PCDHA8: variants seen among roughly 807,000 people sequenced by gnomAD.
The protein encoded by PCDHA8 is protocadherin alpha 8.
A neutral mutation model predicts 61.8 loss-of-function variants in PCDHA8; 53 were observed. The ratio of observed to expected loss-of-function variants is 0.86; its 90% CI spans 0.69 to 1.08. The LOEUF (loss-of-function observed/expected upper bound fraction) is 1.08. PCDHA8 is among the 50% of genes least tolerant of loss of function. PCDHA8 has a pLI of 0.00. For synonymous variants in PCDHA8, 618 were observed against 556.6 expected (o/e 1.11, Z -1.55); for missense variants, 1,293 against 1,245.0 (o/e 1.04, Z -0.58).
At chr5:140,854,022 C>A in intron 1 of PCDHA8, 1 of 318,106 alleles carries the variant, frequency 3.1e-6, no homozygotes, top group Non-Finnish European at 4.7e-6. Context: ...ATTAGCCGGG[C>A]ATGGTGGCAC....
chr5:140,951,959 A>C (rs2094664205), intron 1 of PCDHA8, among the ~76,000 whole-genome samples: 1 of 152,202 alleles, frequency 6.6e-6, no homozygotes, highest in Admixed American at 6.5e-5. Context: ...GGCATTGGGT[A>C]AATACTCCTG....
rs114410083 is a variant in PCDHA8, at chr5:140,927,323, C to T, written c.2395-51626C>T. 1,487 of 1,614,220 alleles carry T rather than the reference C, an allele frequency of 9.2e-4. 8 individuals are homozygous for T. In the African/African-American group the frequency reaches 0.018, roughly 19 times the overall value. ...TTCCTGACGCCCGGAGCCCGCTTTA[C>T]TCTCCCGAATGCCCAAGATGACGAC... On this transcript the variant is annotated intron_variant, in intron 1 of 3. Coordinates refer to ENST00000531613, the MANE Select transcript of PCDHA8 (RefSeq NM_018911.3).
intron 1 of PCDHA8, among the ~76,000 whole-genome samples, chr5:140,975,124 C>T (rs560299893): frequency 6.6e-6 from 1 of 152,268 alleles, no homozygotes; most frequent in African/African-American, 2.4e-5. Flanking sequence ...TTCCTACTTA[C>T]TATTGGCCTG....
chr5:140,954,405 G>T (rs246023), intron 1 of PCDHA8, among the ~76,000 whole-genome samples: 85,299 of 151,648 alleles, frequency 0.56, 24,568 homozygotes, highest in African/African-American at 0.69. Context: ...CCACCAACAG[G>T]GTAAAGGTGT....
At chr5:140,988,556 C>G (rs574182013) in intron 3 of PCDHA8, among the ~76,000 whole-genome samples, 2 of 152,158 alleles carry the variant, frequency 1.3e-5, no homozygotes, top group Non-Finnish European at 2.9e-5. Flanking sequence ...TCTTCATCTT[C>G]TTCTTGGGAA....
chr5:140,860,067 T>C (rs2150484600), intron 1 of PCDHA8: 1 of 151,674 alleles, frequency 6.6e-6, no homozygotes, highest in African/African-American at 2.4e-5. Flanking sequence ...GGTGGGAGGA[T>C]GGTTTGAGGC....
intron 1 of PCDHA8, chr5:140,884,540 G>A (rs782638313): frequency 1.9e-6 from 3 of 1,613,998 alleles, no homozygotes; most frequent in South Asian, 2.2e-5. Flanking sequence ...GCGGCCGAGG[G>A]TGTGCTCTGG....
At position 140,982,360 on chromosome 5, in the gene PCDHA8, A is replaced by G. The variant is rs1016027722; in HGVS notation, c.2454-115A>G. 59 of 1,527,040 alleles carry G rather than the reference A, an allele frequency of 3.9e-5. No individual in the cohort carries two copies. In the Admixed American group the frequency reaches 8.5e-4, roughly 22 times the overall value. 94.6% of individuals were successfully genotyped at this position (1,527,040 alleles called of 1,614,324 possible). ...TAATTGCTTCAGTTCAAGCATGAGC[A>G]GAATGTGTTAGCTGCAGCCCTGGCT... On this transcript the variant is annotated intron_variant, in intron 2 of 3. Coordinates refer to ENST00000531613, the MANE Select transcript of PCDHA8 (RefSeq NM_018911.3).
chr5:140,865,572 A>T (rs2048923193), intron 1 of PCDHA8: 1 of 152,224 alleles, frequency 6.6e-6, no homozygotes, highest in African/African-American at 2.4e-5. Context: ...TCAGTAACTC[A>T]TGATAATAAA....
chr5:140,964,531 C>T (rs781961669), intron 1 of PCDHA8, among the ~76,000 whole-genome samples: 4 of 152,058 alleles, frequency 2.6e-5, no homozygotes, highest in Non-Finnish European at 5.9e-5. Context: ...CTCTGAGCTG[C>T]GTGCAGAGAT....
intron 1 of PCDHA8, chr5:140,929,505 C>A: frequency 1.2e-6 from 1 of 840,606 alleles, no homozygotes; most frequent in Non-Finnish European, 1.7e-6. Flanking sequence ...TGCCCTAGGC[C>A]TCAAGGGACT....
rs2045496791 is a variant in PCDHA8 at position 140,858,579 on chromosome 5, T to C, written c.2394+14864T>C. 3 of 1,349,862 alleles carry C rather than the reference T, an allele frequency of 2.2e-6. No individual in the cohort carries two copies. In the East Asian group the frequency reaches 7.4e-5, roughly 33 times the overall value. The allele number at this position is 1,349,862 out of a possible 1,614,324, so 83.6% of individuals were successfully genotyped here. On this transcript the variant is annotated intron_variant, in intron 1 of 3. Transcript: ENST00000531613. Reference sequence around the variant, plus strand: ...AATATTTCTAGTGATACCTTTGTAATATAATTTATTCCAGGAGTTTTAAAA... The same window carrying C: ...AATATTTCTAGTGATACCTTTGTAACATAATTTATTCCAGGAGTTTTAAAA...
intron 1 of PCDHA8, among the ~76,000 whole-genome samples, chr5:140,899,726 T>A (rs1406076879): frequency 6.6e-6 from 1 of 152,236 alleles, no homozygotes; most frequent in East Asian, 1.9e-4. Flanking sequence ...CCTCTTTTTC[T>A]ATTGATTGGA....
chr5:140,900,586 AC>A (rs1554189274), intron 1 of PCDHA8, among the ~76,000 whole-genome samples: 1 of 151,926 alleles, frequency 6.6e-6, no homozygotes, highest in African/African-American at 2.4e-5. Flanking sequence ...CATTTTCTTT[AC>A]CCGTTCATCT....
intron 1 of PCDHA8, among the ~76,000 whole-genome samples, chr5:140,965,664 ATAAATG>A (rs1251201552): frequency 1.3e-5 from 2 of 152,254 alleles, no homozygotes; most frequent in Non-Finnish European, 2.9e-5. Flanking sequence ...GTCTTGGGTG[ATAAATG>A]TAAAAGATTT....
At chr5:140,895,730 A>G (rs781978402) in intron 1 of PCDHA8, among the ~76,000 whole-genome samples, 4 of 152,280 alleles carry the variant, frequency 2.6e-5, no homozygotes, top group Middle Eastern at 3.4e-3. Flanking sequence ...CCTCCATTCA[A>G]TGGGCTGCAA....
At chr5:140,911,952 G>A (rs2075698662) in intron 1 of PCDHA8, among the ~76,000 whole-genome samples, 1 of 152,170 alleles carries the variant, frequency 6.6e-6, no homozygotes, top group South Asian at 2.1e-4. Context: ...ATAAAGGGGA[G>A]GTTACTAAGG....
intron 1 of PCDHA8, among the ~76,000 whole-genome samples, chr5:140,891,498 G>C (rs566885852): frequency 6.6e-6 from 1 of 151,186 alleles, no homozygotes; most frequent in East Asian, 1.9e-4. Flanking sequence ...CATATCCTCA[G>C]CTATAATGTT....
At chr5:140,844,920 G>A (rs1554140772) in intron 1 of PCDHA8, among the ~76,000 whole-genome samples, 1 of 149,212 alleles carries the variant, frequency 6.7e-6, no homozygotes, top group Non-Finnish European at 1.5e-5. Context: ...AGAAATTGAT[G>A]GAAGGGAATG....
Sources: gnomAD v4.1 joint callset for allele counts (sites outside exome capture counted in the v4.1 genomes callset) on GRCh38, gnomAD v4.1.1 for gene constraint, MANE v1.5 for transcripts, NCBI Gene and HGNC (gene_info 2026-07-23, HGNC 2026-07-21) for gene names.